Variants in PRRX2 observed in about 807,000 individuals in gnomAD.
The protein encoded by PRRX2 is paired mesoderm homeobox protein 2.
PRRX2 carries 11 observed loss-of-function variants against 18.0 expected under a neutral mutation model. That is an observed-to-expected ratio of 0.61 (90% CI 0.39 to 1.01). The LOEUF is 1.01. Among genes scored for constraint, PRRX2 ranks in the 50% least tolerant of loss-of-function variants. The pLI is 0.01. For synonymous variants in PRRX2, 177 were observed against 154.8 expected (o/e 1.14, Z -1.06); for missense variants, 387 against 351.0 (o/e 1.10, Z -0.82).
At chr9:129,674,548 T>G (rs1832140857) in intron 1 of PRRX2, among the ~76,000 whole-genome samples, 1 of 151,250 alleles carries the variant, frequency 6.6e-6, no homozygotes, top group Non-Finnish European at 1.5e-5. Flanking sequence ...GACTTGGGAG[T>G]GAGACAATGA....
intron 1 of PRRX2, among the ~76,000 whole-genome samples, chr9:129,669,977 AC>A (rs1832079537): frequency 7.0e-6 from 1 of 143,328 alleles, no homozygotes; most frequent in African/African-American, 2.6e-5. Context: ...CTGAAACCGC[AC>A]CCCCTTGAAC....
At chr9:129,706,882 C>T (rs1832564168) in intron 1 of PRRX2, among the ~76,000 whole-genome samples, 1 of 152,188 alleles carries the variant, frequency 6.6e-6, no homozygotes, top group Admixed American at 6.5e-5. Context: ...ATCCTCACTG[C>T]AGTCCCCCCA....
chr9:129,720,911 A>G, intron 3 of PRRX2, 137 bp downstream of exon 3: 1 of 1,034,602 alleles, frequency 9.7e-7, no homozygotes, highest in South Asian at 2.1e-5. Context: ...GGGTACACCA[A>G]GTGATGTGTG....
chr9:129,715,750 T>TCTCACA lies in PRRX2; in HGVS notation c.260-3480_260-3479insTCACAC, dbSNP rs762929485. On this transcript the variant is annotated intron_variant, in intron 1 of 3. Transcript: ENST00000372469. This position sits in a 1 kb window ranked among gnomAD's most constrained non-coding sequence, Gnocchi z 4.0. ...AAACCCAGCTTCAGGGACATCTTTC[T>TCTCACA]CACACACACACACACACACACACAC... Among the ~76,000 whole-genome samples the TCTCACA allele has an allele frequency of 5.0e-5, 7 of 138,952 alleles. No homozygotes were observed. The highest frequency in any genetic ancestry group is 1.1e-4 in the African/African-American group (4 of 36,916). The allele number at this position is 138,952 out of a possible 152,430, so 91.2% of individuals were successfully genotyped here.
chr9:129,697,684 G>A (rs915894252), intron 1 of PRRX2, among the ~76,000 whole-genome samples: 2 of 151,976 alleles, frequency 1.3e-5, no homozygotes, highest in Non-Finnish European at 2.9e-5. Flanking sequence ...CCGTCCAGAT[G>A]GGAAAGCCAC....
chr9:129,722,379 C>T lies in PRRX2; in HGVS notation c.*27C>T, dbSNP rs779397611. 3.1e-6 allele frequency: 5 copies of T among 1,610,936 alleles called. No individual in the cohort carries two copies. The Admixed American group carries it at 5.1e-5, about 16-fold the overall frequency. On this transcript the variant is annotated 3_prime_UTR_variant, in exon 4 of 4. Transcript: ENST00000372469. ...GTCCAGTCCCACCAGGACCCAGACG[C>T]CTCCCTGGGTGGACAGCAATAGAAA...
chr9:129,672,330 G>T (rs1046436251), intron 1 of PRRX2, among the ~76,000 whole-genome samples: 1 of 152,162 alleles, frequency 6.6e-6, no homozygotes, highest in Non-Finnish European at 1.5e-5. Flanking sequence ...TCTGCATGTC[G>T]GCTGGGGCAT....
intron 1 of PRRX2, among the ~76,000 whole-genome samples, chr9:129,670,961 CCTTG>C (rs1397677920): frequency 6.6e-6 from 1 of 152,176 alleles, no homozygotes; most frequent in African/African-American, 2.4e-5. Flanking sequence ...CAGTTGGGGT[CCTTG>C]CTTTTGCCTT....
intron 1 of PRRX2, among the ~76,000 whole-genome samples, chr9:129,696,312 C>T (rs753462932): frequency 6.6e-6 from 1 of 152,156 alleles, no homozygotes; most frequent in Non-Finnish European, 1.5e-5. Flanking sequence ...CGGTGGCTCA[C>T]GCCTGGAATC....
intron 1 of PRRX2, among the ~76,000 whole-genome samples, chr9:129,692,000 A>G (rs1022652871): frequency 1.3e-5 from 2 of 149,958 alleles, no homozygotes; most frequent in African/African-American, 5.0e-5. Context: ...CTGGAGTGCA[A>G]TGGTGTGATC....
intron 1 of PRRX2, among the ~76,000 whole-genome samples, chr9:129,668,735 C>G (rs1381527365): frequency 1.4e-5 from 2 of 146,770 alleles, no homozygotes; most frequent in African/African-American, 5.2e-5. Context: ...CAAGATTGCA[C>G]CACTGCACAC....
intron 1 of PRRX2, among the ~76,000 whole-genome samples, chr9:129,705,956 G>A (rs932468047): frequency 6.6e-6 from 1 of 151,390 alleles, no homozygotes; most frequent in African/African-American, 2.4e-5. Flanking sequence ...GGGCCTCCCC[G>A]GCACCCCAGC....
rs926566518 is a variant in PRRX2 at position 129,709,438 on chromosome 9, A to G, written c.260-9793A>G. ...GTCATCCTGAGCCTGCGGAGGCCAC[A>G]CTAGCCACCATTCTTGCAGCCACAC... On this transcript the variant is annotated intron_variant, in intron 1 of 3. Transcript: ENST00000372469. This position sits in a 1 kb window ranked among gnomAD's most constrained non-coding sequence, Gnocchi z 4.2. Among the ~76,000 whole-genome samples the G allele has an allele frequency of 2.6e-5, 4 of 152,038 alleles. No individual in the cohort carries two copies. The highest frequency in any genetic ancestry group is 4.4e-5 in the Non-Finnish European group (3 of 68,002).
chr9:129,677,659 AG>A (rs1365562803), intron 1 of PRRX2, among the ~76,000 whole-genome samples: 2 of 152,200 alleles, frequency 1.3e-5, no homozygotes, highest in Non-Finnish European at 2.9e-5. Flanking sequence ...GTGACCAGGG[AG>A]GGGCCCTTGC....
chr9:129,706,346 C>T (rs919699212), intron 1 of PRRX2, among the ~76,000 whole-genome samples: 5 of 151,694 alleles, frequency 3.3e-5, no homozygotes, highest in South Asian at 2.1e-4. Context: ...TTTGGGAGAC[C>T]GAGGGGGGCA....
intron 1 of PRRX2, among the ~76,000 whole-genome samples, chr9:129,692,229 C>T (rs1832369439): frequency 6.6e-6 from 1 of 150,776 alleles, no homozygotes; most frequent in African/African-American, 2.4e-5. Context: ...GGATTACAGG[C>T]ATGAGCCACC....
At chr9:129,669,196 C>A (rs909828462) in intron 1 of PRRX2, among the ~76,000 whole-genome samples, 4 of 151,598 alleles carry the variant, frequency 2.6e-5, no homozygotes, top group Non-Finnish European at 5.9e-5. Flanking sequence ...CACAAAGCCA[C>A]CAGTAGATAA....
chr9:129,715,541 C>A lies in PRRX2; in HGVS notation c.260-3690C>A, dbSNP rs552632272. 6.6e-6 allele frequency among the ~76,000 whole-genome samples: 1 copy of A among 152,168 alleles called. No homozygotes were observed. The highest frequency in any genetic ancestry group is 2.4e-5 in the African/African-American group (1 of 41,522). On this transcript the variant is annotated intron_variant, in intron 1 of 3. Coordinates refer to ENST00000372469, the MANE Select transcript of PRRX2 (RefSeq NM_016307.4). The surrounding 1 kb of genome is among the most constrained non-coding windows in gnomAD (Gnocchi z 4.0). ...AGGAGGTCGAGGCTGCAGTGTGTTA[C>A]GATTGCGCCACTGCACTCCAGCTTG... is the stretch of plus-strand genomic sequence containing the variant.
At chr9:129,680,389 AG>A (rs1387038672) in intron 1 of PRRX2, among the ~76,000 whole-genome samples, 1 of 139,592 alleles carries the variant, frequency 7.2e-6, no homozygotes, top group African/African-American at 2.8e-5. Context: ...TGACAGAGCG[AG>A]ACTCCGTCTC....
Sources: gnomAD v4.1 joint callset for allele counts (sites outside exome capture counted in the v4.1 genomes callset) on GRCh38, gnomAD v4.1.1 for gene constraint, Gnocchi (gnomAD v3.1) non-coding constraint, MANE v1.5 for transcripts, NCBI Gene and HGNC (gene_info 2026-07-23, HGNC 2026-07-21) for gene names.